Variants in CTNND2 observed in about 807,000 individuals in gnomAD.
CTNND2 encodes the protein catenin delta-2.
CTNND2 carries 22 observed loss-of-function variants against 144.4 expected under a neutral mutation model. That is an observed-to-expected ratio of 0.15 (90% confidence interval 0.11 to 0.22). CTNND2 has a LOEUF of 0.22. Among genes scored for constraint, CTNND2 ranks in the 10% least tolerant of loss-of-function variants. The pLI is 1.00. For missense variants in CTNND2, 1,353 were observed against 1,618.8 expected, an observed-to-expected ratio of 0.84 and a Z score of 2.82; for synonymous variants, 751 against 695.6, an observed-to-expected ratio of 1.08 and a Z score of -1.25.
At chr5:11,007,867 C>T (rs373928441) in intron 18 of CTNND2, among the ~76,000 whole-genome samples, 3 of 152,204 alleles carry the variant, frequency 2.0e-5, no homozygotes, top group Non-Finnish European at 2.9e-5. Context: ...ACTTTCGCAC[C>T]GTGTAATGAA....
intron 9 of CTNND2, among the ~76,000 whole-genome samples, chr5:11,289,904 G>C (rs1748140978): frequency 6.6e-6 from 1 of 152,172 alleles, no homozygotes; most frequent in East Asian, 1.9e-4. Context: ...AGCTCGGCTG[G>C]GGCAAGGTGC....
At position 11,759,730 on chromosome 5, in the gene CTNND2, C is replaced by T. The variant is rs547642791; in HGVS notation, c.38-27458G>A. 9.2e-5 allele frequency among the ~76,000 whole-genome samples: 14 copies of T among 152,172 alleles called. No homozygotes were observed. The South Asian group carries it at 1.0e-3, about 11-fold the overall frequency. ...GTGTAATAATAACACTAATTGTGTA[C>T]GTACTATGGACCAGGCATTATTCTA... On this transcript the variant is annotated intron_variant, in intron 1 of 21. Transcript: ENST00000304623.
intron 11 of CTNND2, among the ~76,000 whole-genome samples, chr5:11,174,656 C>A (rs182978586): frequency 5.3e-5 from 8 of 152,216 alleles, no homozygotes; most frequent in Admixed American, 5.2e-4. Flanking sequence ...AATAAAAATG[C>A]GTTAGCCAGT....
chr5:11,774,563 AAAAAAAAAAC>A (rs1790143984), intron 1 of CTNND2, among the ~76,000 whole-genome samples: 1 of 149,784 alleles, frequency 6.7e-6, no homozygotes, highest in Non-Finnish European at 1.5e-5. Flanking sequence ...AAAAAAATTA[AAAAAAAAAAC>A]AATGATGGCT....
At chr5:11,182,749 GA>G (rs1265830648) in intron 11 of CTNND2, among the ~76,000 whole-genome samples, 3 of 152,172 alleles carry the variant, frequency 2.0e-5, no homozygotes, top group African/African-American at 7.2e-5. Context: ...AATTTCATAT[GA>G]CTGACAGACT....
intron 10 of CTNND2, among the ~76,000 whole-genome samples, chr5:11,202,742 A>G (rs1257620789): frequency 1.3e-5 from 2 of 150,656 alleles, no homozygotes; most frequent in Non-Finnish European, 3.0e-5. Flanking sequence ...TGTCCTTTTC[A>G]CTTTCCCTCT....
intron 2 of CTNND2, among the ~76,000 whole-genome samples, chr5:11,718,771 C>A (rs1328710278): frequency 6.6e-6 from 1 of 152,150 alleles, no homozygotes; most frequent in Non-Finnish European, 1.5e-5. Flanking sequence ...ATGTAATAAT[C>A]TGTCAATAAG....
intron 15 of CTNND2, among the ~76,000 whole-genome samples, chr5:11,088,494 T>C (rs1417103886): frequency 6.6e-6 from 1 of 152,214 alleles, no homozygotes; most frequent in African/African-American, 2.4e-5. Context: ...TCAGAAAACT[T>C]TTCATCTACA....
At chr5:11,604,064 C>T (rs760099149) in intron 2 of CTNND2, among the ~76,000 whole-genome samples, 8 of 152,166 alleles carry the variant, frequency 5.3e-5, no homozygotes, top group African/African-American at 7.2e-5. Context: ...ATATTATTGG[C>T]TACTTCAGTG....
chr5:11,604,647 C>T (rs542276924), intron 2 of CTNND2, among the ~76,000 whole-genome samples: 1 of 152,310 alleles, frequency 6.6e-6, no homozygotes, highest in Admixed American at 6.5e-5. Context: ...CTTCCTCTCG[C>T]TCCTAGAAAG....
chr5:11,315,467 T>C (rs542702045), intron 9 of CTNND2, among the ~76,000 whole-genome samples: 90 of 152,274 alleles, frequency 5.9e-4, no homozygotes, highest in South Asian at 1.0e-3. Flanking sequence ...TATTTTAGAG[T>C]TTTATTTGTT....
At chr5:11,534,434 T>G (rs114496035) in intron 3 of CTNND2, among the ~76,000 whole-genome samples, 1 of 151,318 alleles carries the variant, frequency 6.6e-6, no homozygotes, top group Admixed American at 6.6e-5. Context: ...TGGCTAACAT[T>G]CCTACCAAAA....
chr5:11,294,274 T>G (rs1580819984), intron 9 of CTNND2, among the ~76,000 whole-genome samples: 1 of 152,020 alleles, frequency 6.6e-6, no homozygotes, highest in African/African-American at 2.4e-5. Context: ...CTCAAATGCA[T>G]GCCTTTTTAG....
At chr5:11,139,243 G>C (rs1006855875) in intron 12 of CTNND2, among the ~76,000 whole-genome samples, 1 of 152,162 alleles carries the variant, frequency 6.6e-6, no homozygotes, top group African/African-American at 2.4e-5. Context: ...TTACAGGCAT[G>C]AGCGACCACA....
intron 21 of CTNND2, among the ~76,000 whole-genome samples, chr5:10,974,365 C>A (rs543288895): frequency 7.9e-5 from 12 of 152,348 alleles, no homozygotes; most frequent in Middle Eastern, 3.4e-3. Context: ...TGTAGCAAAA[C>A]TGCACTTGCA....
In CTNND2 at chr5:11,306,401, T is replaced by G. The variant is rs1342787152; in HGVS notation, c.1628+39971A>C. On this transcript the variant is annotated intron_variant, in intron 9 of 21. Transcript: ENST00000304623. ...AACAAATTAAAAGTTGCAAGCTGCT[T>G]CCATCAAGGCTGTTAGAACATCTTT... Among the ~76,000 whole-genome samples, 3 of 152,204 alleles carry G rather than the reference T, an allele frequency of 2.0e-5. No homozygotes were observed. The East Asian group carries it at 5.8e-4, about 29-fold the overall frequency.
chr5:11,324,334 C>T (rs258834), intron 9 of CTNND2, among the ~76,000 whole-genome samples: 14,934 of 152,188 alleles, frequency 0.098, 1,314 homozygotes, highest in African/African-American at 0.24. Context: ...GCTGAAATGT[C>T]CACTCCCTGT....
intron 16 of CTNND2, among the ~76,000 whole-genome samples, chr5:11,052,747 C>T (rs946903846): frequency 4.6e-5 from 7 of 152,110 alleles, no homozygotes; most frequent in South Asian, 4.2e-4. Context: ...ATCTTTAGGG[C>T]GGCGGCCCTG....
intron 1 of CTNND2, among the ~76,000 whole-genome samples, chr5:11,860,953 T>C (rs949650706): frequency 1.3e-5 from 2 of 152,220 alleles, no homozygotes; most frequent in Non-Finnish European, 2.9e-5. Context: ...AGGTAAATAA[T>C]GTTTTCAGAA....
Sources: gnomAD v4.1 joint callset for allele counts (sites outside exome capture counted in the v4.1 genomes callset) on GRCh38, gnomAD v4.1.1 for gene constraint, MANE v1.5 for transcripts, NCBI Gene and HGNC (gene_info 2026-07-23, HGNC 2026-07-21) for gene names.